The following ADGRL2 variants were observed in gnomAD, a reference collection of about 807,000 sequenced individuals.
ADGRL2 encodes adhesion G protein-coupled receptor L2, also known as calcium-independent alpha-latrotoxin receptor 2.
Under a neutral mutation model 157.4 loss-of-function variants are expected in ADGRL2, and 44 were observed. That is an observed-to-expected ratio of 0.28 (90% CI 0.22 to 0.36). The LOEUF is 0.36. ADGRL2 is among the 10% of genes least tolerant of loss of function. ADGRL2 has a pLI of 1.00. For synonymous variants in ADGRL2, 585 were observed against 624.7 expected, an observed-to-expected ratio of 0.94 and a Z score of 0.95; for missense variants, 1,510 against 1,768.9, an observed-to-expected ratio of 0.85 and a Z score of 2.63.
At chr1:81,366,355 T>G (rs2076066976) in intron 1 of ADGRL2, among the ~76,000 whole-genome samples, 1 of 152,064 alleles carries the variant, frequency 6.6e-6, no homozygotes, top group South Asian at 2.1e-4. Context: ...ACTTTTTTAT[T>G]GAAAGAAGCA....
intron 1 of ADGRL2, among the ~76,000 whole-genome samples, chr1:81,309,174 A>G (rs755867855): frequency 3.9e-5 from 6 of 152,164 alleles, no homozygotes; most frequent in Non-Finnish European, 5.9e-5. Context: ...TTCACTGCCT[A>G]TATCTTCTGT....
intron 2 of ADGRL2, among the ~76,000 whole-genome samples, chr1:81,764,189 C>CAAAAA (rs34716755): frequency 9.9e-5 from 10 of 101,474 alleles, no homozygotes; most frequent in Non-Finnish European, 1.7e-4. Context: ...GAGACTCTGT[C>CAAAAA]AAAAAAAAAA....
At chr1:81,665,716 T>C (rs1482509432) in intron 3 of ADGRL2, among the ~76,000 whole-genome samples, 1 of 152,196 alleles carries the variant, frequency 6.6e-6, no homozygotes, top group Non-Finnish European at 1.5e-5. Flanking sequence ...TTAACAGCAA[T>C]GTAGGTAACC....
At chr1:81,722,604 T>C in intron 1 of ADGRL2, 1 of 1,446,242 alleles carries the variant, frequency 6.9e-7, no homozygotes, top group Non-Finnish European at 9.6e-7. Context: ...ATGTAGCCCA[T>C]GATCTTGCCC....
chr1:81,856,561 G>C (rs940882468), intron 2 of ADGRL2, among the ~76,000 whole-genome samples: 9 of 152,068 alleles, frequency 5.9e-5, no homozygotes, highest in African/African-American at 2.2e-4. Flanking sequence ...GATCATTTGA[G>C]TTAGAATAAA....
In ADGRL2 at chr1:81,970,527, GA is replaced by G; in HGVS notation, c.2952del (p.Ala985LeufsTer24). ...TATTGACTATAAGAGCTATGGAACA[GA>G]AAAAGCGTAAGTAATTGCAAGCGAC... is the stretch of plus-strand genomic sequence containing the variant. Reference protein sequence around the residue: ...AAIDYKSYGTEKACWLHVDNY... With the variant: ...AAIDYKSYGTXKACWLHVDNY... On this transcript the variant is annotated frameshift_variant, in exon 16 of 24. Coordinates refer to ENST00000686636, the MANE Select transcript of ADGRL2 (RefSeq NM_001366006.2). LOFTEE classifies it high-confidence loss of function. 6.2e-7 allele frequency: 1 copy of G among 1,605,816 alleles called. No individual in the cohort carries two copies. Among genetic ancestry groups the G allele is most frequent in the Non-Finnish European group, 8.5e-7 (1 of 1,177,348 alleles).
intron 3 of ADGRL2, among the ~76,000 whole-genome samples, chr1:81,672,067 A>G (rs1465685445): frequency 2.0e-5 from 3 of 152,238 alleles, no homozygotes; most frequent in African/African-American, 7.2e-5. Context: ...TGTCCCAGAC[A>G]ACAGCCTTTC....
chr1:81,923,175 A>G (rs1032761114), intron 3 of ADGRL2, among the ~76,000 whole-genome samples: 2 of 152,324 alleles, frequency 1.3e-5, no homozygotes, highest in African/African-American at 4.8e-5. Context: ...TTCAATAGAA[A>G]AGGATTTGCA....
chr1:81,919,813 TTAGA>T (rs796565419), intron 3 of ADGRL2, among the ~76,000 whole-genome samples: 2 of 152,290 alleles, frequency 1.3e-5, no homozygotes, highest in African/African-American at 2.4e-5. Flanking sequence ...AGCAGGTATG[TTAGA>T]TAGATAAATA....
intron 2 of ADGRL2, among the ~76,000 whole-genome samples, chr1:81,560,739 G>T (rs1163087336): frequency 6.6e-6 from 1 of 152,104 alleles, no homozygotes; most frequent in East Asian, 1.9e-4. Context: ...GGAGCGGGCC[G>T]CAGAAGAGGC....
intron 1 of ADGRL2, among the ~76,000 whole-genome samples, chr1:81,339,697 A>G (rs1432573259): frequency 6.6e-6 from 1 of 152,166 alleles, no homozygotes; most frequent in East Asian, 1.9e-4. Flanking sequence ...CTACTATGGC[A>G]TTAGCTCCCA....
intron 3 of ADGRL2, among the ~76,000 whole-genome samples, chr1:81,670,050 A>G (rs1035945982): frequency 6.6e-6 from 1 of 151,980 alleles, no homozygotes. Context: ...AAAAGGACAC[A>G]GTGTGTAAGG....
At position 81,953,032 on chromosome 1, in the gene ADGRL2, C is replaced by A. The variant is rs376798382; in HGVS notation, c.1833+7C>A. On this transcript the variant is annotated splice_region_variant and intron_variant, in intron 10 of 23. Coordinates refer to ENST00000686636, the MANE Select transcript of ADGRL2 (RefSeq NM_001366006.2). ...ATGCAGGGCTTACCTTAAGGTATCT[C>A]TCCTGTGCTGTCACCCTGCTTTCTC... 1.7e-5 allele frequency: 28 copies of A among 1,610,368 alleles called. No homozygotes were observed. In the African/African-American group the frequency reaches 3.2e-4, roughly 18 times the overall value.
At chr1:81,798,849 T>C (rs2087722493), upstream of ADGRL2, among the ~76,000 whole-genome samples, 1 of 152,164 alleles carries the variant, frequency 6.6e-6, no homozygotes, top group Non-Finnish European at 1.5e-5. Flanking sequence ...AAATAAAAAC[T>C]TCAGCCTAAG....
intron 1 of ADGRL2, among the ~76,000 whole-genome samples, chr1:81,708,335 A>G (rs190100782): frequency 2.0e-4 from 30 of 152,270 alleles, no homozygotes; most frequent in Admixed American, 8.5e-4. Context: ...AAATTTAAGC[A>G]TTTGTCAGGG....
intron 1 of ADGRL2, among the ~76,000 whole-genome samples, chr1:81,735,564 C>T (rs2084867060): frequency 6.6e-6 from 1 of 151,010 alleles, no homozygotes; most frequent in Non-Finnish European, 1.5e-5. Flanking sequence ...CTGAGGCAGG[C>T]AGATCACTTG....
chr1:81,894,219 T>A (rs1431912805), intron 2 of ADGRL2, among the ~76,000 whole-genome samples: 1 of 152,192 alleles, frequency 6.6e-6, no homozygotes, highest in Non-Finnish European at 1.5e-5. Context: ...CACAGATACA[T>A]AATGAATGAA....
chr1:81,983,664 C>T (rs1662277345), intron 19 of ADGRL2, among the ~76,000 whole-genome samples: 1 of 151,982 alleles, frequency 6.6e-6, no homozygotes, highest in South Asian at 2.1e-4. Flanking sequence ...CAGTCTGGCT[C>T]TAACCCACAA....
intron 23 of ADGRL2, chr1:81,988,475 T>A (rs1663823061): frequency 1.3e-5 from 2 of 151,928 alleles, no homozygotes; most frequent in Non-Finnish European, 2.9e-5. Context: ...GTTTTTTTTT[T>A]AATAATCTTA....
Sources: gnomAD v4.1 joint callset for allele counts (sites outside exome capture counted in the v4.1 genomes callset) on GRCh38, gnomAD v4.1.1 for gene constraint, MANE v1.5 for transcripts, NCBI Gene and HGNC (gene_info 2026-07-23, HGNC 2026-07-21) for gene names.